RBFOX1: variants seen among roughly 807,000 people sequenced by gnomAD.
RBFOX1 encodes RNA binding fox-1 homolog 1, also known as RNA binding protein fox-1 homolog 1.
In RBFOX1, 8 loss-of-function variants were observed where a neutral mutation model predicts 57.7. The ratio of observed to expected loss-of-function variants is 0.14; its 90% CI spans 0.08 to 0.25. The LOEUF (loss-of-function observed/expected upper bound fraction) is 0.25. RBFOX1 is among the 10% of genes least tolerant of loss of function. The pLI, the probability that RBFOX1 is intolerant of heterozygous loss-of-function variation, is 1.00. For missense variants in RBFOX1, 611 were observed against 548.5 expected (o/e 1.11, Z -1.14); for synonymous variants, 326 against 222.4 (o/e 1.47, Z -4.15).
intron 3 of RBFOX1, among the ~76,000 whole-genome samples, chr16:5,818,913 T>C (rs1550135): frequency 0.27 from 41,438 of 152,090 alleles, 6,329 homozygotes; most frequent in African/African-American, 0.41. Context: ...ACATCACCTT[T>C]GACTCATCTC....
intron 4 of RBFOX1, among the ~76,000 whole-genome samples, chr16:5,905,659 C>T (rs1349360399): frequency 6.6e-6 from 1 of 152,140 alleles, no homozygotes; most frequent in African/African-American, 2.4e-5. Context: ...CATACCACTC[C>T]ACTCCAGCCA....
intron 4 of RBFOX1, among the ~76,000 whole-genome samples, chr16:7,222,135 AG>A (rs2092776542): frequency 6.6e-6 from 1 of 152,202 alleles, no homozygotes; most frequent in Non-Finnish European, 1.5e-5. Flanking sequence ...AGCTAAAAAA[AG>A]ATTCGTTGTT....
chr16:7,387,001 T>C (rs1025121460), intron 4 of RBFOX1, among the ~76,000 whole-genome samples: 1 of 152,238 alleles, frequency 6.6e-6, no homozygotes, highest in African/African-American at 2.4e-5. Flanking sequence ...TTTATTCATA[T>C]GTTTGTTGGC....
intron 3 of RBFOX1, among the ~76,000 whole-genome samples, chr16:6,844,125 C>A (rs1042538911): frequency 3.4e-5 from 2 of 58,300 alleles, no homozygotes; most frequent in Non-Finnish European, 6.1e-5. Context: ...CCCTGCATGG[C>A]TTTTCTCTCT....
chr16:5,631,774 T>A (rs889490807), intron 3 of RBFOX1, among the ~76,000 whole-genome samples: 10 of 152,128 alleles, frequency 6.6e-5, no homozygotes, highest in Admixed American at 5.9e-4. Context: ...CAATGAAGTG[T>A]CCAGAGTCTG....
chr16:7,081,682 A>T (rs1305249787), intron 4 of RBFOX1, among the ~76,000 whole-genome samples: 1 of 152,114 alleles, frequency 6.6e-6, no homozygotes, highest in African/African-American at 2.4e-5. Flanking sequence ...TAGTTTTATT[A>T]TTGTCTATAT....
intron 2 of RBFOX1, among the ~76,000 whole-genome samples, chr16:6,631,372 A>G (rs147974688): frequency 6.6e-6 from 1 of 152,012 alleles, no homozygotes; most frequent in East Asian, 1.9e-4. Context: ...ATGAAGTAGA[A>G]ATATTTTTTA....
intron 3 of RBFOX1, among the ~76,000 whole-genome samples, chr16:5,672,165 C>T (rs73514577): frequency 0.042 from 6,388 of 152,180 alleles, 422 homozygotes; most frequent in African/African-American, 0.15. Context: ...GGTAGAATGG[C>T]AGGGATGGAA....
chr16:6,940,288 G>C lies in RBFOX1; in HGVS notation c.-15-111769G>C, dbSNP rs544123215. Among the ~76,000 whole-genome samples, 12 of 152,290 alleles carry C rather than the reference G, an allele frequency of 7.9e-5. No individual in the cohort carries two copies. The East Asian group carries it at 1.5e-3, about 20-fold the overall frequency. Reference sequence around the variant, plus strand: ...TGAGTCCTTGTTGCTGCCCATATAGGAAGGGGCTGCTGTGAGTTGCTCTGA... The same window carrying C: ...TGAGTCCTTGTTGCTGCCCATATAGCAAGGGGCTGCTGTGAGTTGCTCTGA... On this transcript the variant is annotated intron_variant, in intron 3 of 15. Coordinates refer to ENST00000550418, the MANE Select transcript of RBFOX1 (RefSeq NM_018723.4).
chr16:6,702,289 C>T (rs771118448), intron 3 of RBFOX1, among the ~76,000 whole-genome samples: 1 of 152,142 alleles, frequency 6.6e-6, no homozygotes, highest in Non-Finnish European at 1.5e-5. Context: ...CGTGGTGGCT[C>T]ATGCCTGTAA....
At chr16:6,157,050 G>T (rs1053867985) in intron 1 of RBFOX1, among the ~76,000 whole-genome samples, 2 of 151,874 alleles carry the variant, frequency 1.3e-5, no homozygotes, top group Admixed American at 1.3e-4. Flanking sequence ...TGCCTAGGCT[G>T]CTCTCTCACT....
intron 4 of RBFOX1, among the ~76,000 whole-genome samples, chr16:7,130,403 C>T (rs971867975): frequency 6.6e-6 from 1 of 152,132 alleles, no homozygotes; most frequent in Non-Finnish European, 1.5e-5. Flanking sequence ...TGGAAATTCT[C>T]TGAGCGTATT....
intron 3 of RBFOX1, among the ~76,000 whole-genome samples, chr16:5,813,936 G>T (rs1395118317): frequency 6.6e-6 from 1 of 152,214 alleles, no homozygotes; most frequent in African/African-American, 2.4e-5. Flanking sequence ...TATCGTAGGT[G>T]TTTAACTAAC....
intron 3 of RBFOX1, among the ~76,000 whole-genome samples, chr16:5,697,620 G>C (rs1449614240): frequency 6.8e-6 from 1 of 146,022 alleles, no homozygotes; most frequent in Non-Finnish European, 1.5e-5. Flanking sequence ...TGCAACCTCT[G>C]CTTCCCAGGT....
At chr16:6,036,888 T>G (rs2095372231) in intron 1 of RBFOX1, among the ~76,000 whole-genome samples, 2 of 152,220 alleles carry the variant, frequency 1.3e-5, no homozygotes, top group South Asian at 4.1e-4. Flanking sequence ...GCCCATCTTT[T>G]TCAGAACAAT....
intron 4 of RBFOX1, among the ~76,000 whole-genome samples, chr16:5,969,298 CTTTTTTTTTTT>C (rs71142659): frequency 2.3e-4 from 19 of 83,756 alleles, no homozygotes; most frequent in East Asian, 8.7e-4. Context: ...TTCGGTTGTT[CTTTTTTTTTTT>C]TTTTTTTTTT....
chr16:6,367,717 T>C (rs2534749), intron 2 of RBFOX1, among the ~76,000 whole-genome samples: 91,534 of 150,378 alleles, frequency 0.61, 28,374 homozygotes, highest in African/African-American at 0.71. Context: ...TTCTATTGTA[T>C]CTTTTGGACA....
chr16:7,515,037 TG>T (rs1422443762), intron 4 of RBFOX1, among the ~76,000 whole-genome samples: 1 of 152,156 alleles, frequency 6.6e-6, no homozygotes, highest in African/African-American at 2.4e-5. Flanking sequence ...ACTTCAGAGA[TG>T]GGCCAGGTAG....
intron 3 of RBFOX1, among the ~76,000 whole-genome samples, chr16:7,030,200 G>A (rs2042430259): frequency 6.6e-6 from 1 of 152,132 alleles, no homozygotes; most frequent in South Asian, 2.1e-4. Flanking sequence ...TTTTCTAAAT[G>A]GTTGGATCAT....
Sources: allele counts gnomAD v4.1 joint callset (sites outside exome capture counted in the v4.1 genomes callset), GRCh38; gene constraint gnomAD v4.1.1; transcripts MANE v1.5; gene names NCBI Gene and HGNC (gene_info 2026-07-23, HGNC 2026-07-21).